Variants in PTPRR observed in about 807,000 individuals in gnomAD.
PTPRR encodes protein tyrosine phosphatase receptor type R, also known as receptor-type tyrosine-protein phosphatase R.
In PTPRR, 38 loss-of-function variants were observed where a neutral mutation model predicts 77.2. The ratio of observed to expected loss-of-function variants is 0.49; its 90% CI spans 0.38 to 0.65. The LOEUF (loss-of-function observed/expected upper bound fraction) is 0.65. PTPRR is among the 30% of genes least tolerant of loss of function. The pLI is 0.00. For missense variants in PTPRR, 744 were observed against 799.2 expected, an observed-to-expected ratio of 0.93 and a Z score of 0.83; for synonymous variants, 299 against 283.1, an observed-to-expected ratio of 1.06 and a Z score of -0.57.
intron 2 of PTPRR, among the ~76,000 whole-genome samples, chr12:70,861,622 G>GT (rs1393981916): frequency 6.6e-6 from 1 of 152,158 alleles, no homozygotes; most frequent in Non-Finnish European, 1.5e-5. Context: ...ATTGATCGCA[G>GT]TTGGGGCTGT....
chr12:70,876,381 A>G (rs1444448821), intron 2 of PTPRR, among the ~76,000 whole-genome samples: 1 of 152,182 alleles, frequency 6.6e-6, no homozygotes, highest in African/African-American at 2.4e-5. Flanking sequence ...CAAAGAATGA[A>G]CTCTGTAAAT....
chr12:70,698,434 T>C lies in PTPRR; in HGVS notation c.1195-85A>G. On this transcript the variant is annotated intron_variant, in intron 7 of 13. Coordinates refer to ENST00000283228, the MANE Select transcript of PTPRR (RefSeq NM_002849.4). ...CAGGGGGGCATCTGATCCAGAGTTC[T>C]ATTGGACTTCAAAGCCACTTAAAAA... 3 of 1,186,498 alleles carry C rather than the reference T, an allele frequency of 2.5e-6. No homozygotes were observed. The Admixed American group carries it at 5.6e-5, about 22-fold the overall frequency. The allele number at this position is 1,186,498 out of a possible 1,614,324, so 73.5% of individuals were successfully genotyped here. A position where few individuals can be genotyped will look rare whatever the true frequency, so the allele number is the denominator to read the frequency against.
intron 6 of PTPRR, among the ~76,000 whole-genome samples, chr12:70,729,929 TGTCATTTGATATTTTTCATAA>T (rs1889592984): frequency 2.1e-4 from 4 of 19,258 alleles, no homozygotes; most frequent in Non-Finnish European, 8.5e-4. Context: ...GACGTTCTAA[TGTCATTTGATATTTTTCATAA>T]TGTCATTTGA....
chr12:70,823,922 T>G (rs909163477), intron 2 of PTPRR, among the ~76,000 whole-genome samples: 4 of 152,056 alleles, frequency 2.6e-5, no homozygotes, highest in Non-Finnish European at 5.9e-5. Context: ...TGGTGGGTAG[T>G]GAGGCTCTGA....
chr12:70,722,570 G>C (rs1243833454), intron 6 of PTPRR, among the ~76,000 whole-genome samples: 1 of 152,112 alleles, frequency 6.6e-6, no homozygotes, highest in Non-Finnish European at 1.5e-5. Context: ...CATCCGGCTT[G>C]ACTTTGTGCT....
chr12:70,876,932 G>C (rs1212155395), intron 2 of PTPRR, among the ~76,000 whole-genome samples: 1 of 152,216 alleles, frequency 6.6e-6, no homozygotes, highest in South Asian at 2.1e-4. Context: ...TGGAAAAGAT[G>C]TTTGGGCTCT....
intron 2 of PTPRR, among the ~76,000 whole-genome samples, chr12:70,793,672 C>A (rs1891461419): frequency 6.6e-6 from 1 of 152,202 alleles, no homozygotes; most frequent in African/African-American, 2.4e-5. Flanking sequence ...CCTGCTCATT[C>A]TTCCATCAAA....
At chr12:70,833,364 G>A (rs1299588930) in intron 2 of PTPRR, among the ~76,000 whole-genome samples, 1 of 152,126 alleles carries the variant, frequency 6.6e-6, no homozygotes, top group East Asian at 1.9e-4. Context: ...GTAGGCTGGA[G>A]TGGTGGGTGG....
chr12:70,853,735 C>G (rs1045245909), intron 2 of PTPRR, among the ~76,000 whole-genome samples: 1 of 152,212 alleles, frequency 6.6e-6, no homozygotes, highest in South Asian at 2.1e-4. Context: ...GGGCCCCAAG[C>G]TTTGCTATAG....
chr12:70,663,503 GGTGATAGGTTTTTGGCCCAAA>G (rs371479354), intron 10 of PTPRR, among the ~76,000 whole-genome samples: 4,716 of 152,056 alleles, frequency 0.031, 96 homozygotes, highest in Non-Finnish European at 0.046. Context: ...AAAACTACTG[GGTGATAGGTTTTTGGCCCAAA>G]GTGATTAGAT....
At chr12:70,656,470 TG>T (rs972215691) in intron 13 of PTPRR, among the ~76,000 whole-genome samples, 2 of 149,482 alleles carry the variant, frequency 1.3e-5, no homozygotes, top group Non-Finnish European at 3.0e-5. Context: ...TTGAGGCTGC[TG>T]GGAGCTGAGA....
At chr12:70,738,559 C>A (rs1209985895) in intron 6 of PTPRR, among the ~76,000 whole-genome samples, 1 of 152,200 alleles carries the variant, frequency 6.6e-6, no homozygotes, top group Non-Finnish European at 1.5e-5. Context: ...CTGTTGATTT[C>A]CTTTCCATAA....
intron 5 of PTPRR, among the ~76,000 whole-genome samples, chr12:70,748,510 T>C (rs1054762858): frequency 2.0e-5 from 3 of 152,148 alleles, no homozygotes; most frequent in African/African-American, 7.2e-5. Flanking sequence ...TGTTTGACTC[T>C]TGGACTGGAA....
chr12:70,761,840 A>AC (rs1197257497), intron 3 of PTPRR, among the ~76,000 whole-genome samples: 1 of 152,062 alleles, frequency 6.6e-6, no homozygotes, highest in Non-Finnish European at 1.5e-5. Context: ...ATTAGTTGCC[A>AC]CCCCCCAAGA....
At chr12:70,738,419 G>A (rs528383433) in intron 6 of PTPRR, among the ~76,000 whole-genome samples, 1 of 152,264 alleles carries the variant, frequency 6.6e-6, no homozygotes, top group South Asian at 2.1e-4. Flanking sequence ...AGTCAGGATG[G>A]AGAGTGCTAT....
At chr12:70,796,853 C>A (rs1297332071) in intron 2 of PTPRR, among the ~76,000 whole-genome samples, 3 of 151,662 alleles carry the variant, frequency 2.0e-5, no homozygotes, top group East Asian at 1.9e-4. Flanking sequence ...CATGATGAAA[C>A]CCTGTCTCCA....
chr12:70,786,663 A>G (rs1167202831), intron 2 of PTPRR, among the ~76,000 whole-genome samples: 1 of 152,186 alleles, frequency 6.6e-6, no homozygotes, highest in East Asian at 1.9e-4. Flanking sequence ...GAAGTGTGTT[A>G]TACATTTCCT....
intron 10 of PTPRR, among the ~76,000 whole-genome samples, chr12:70,667,651 A>G (rs952623563): frequency 6.6e-6 from 1 of 152,080 alleles, no homozygotes; most frequent in African/African-American, 2.4e-5. Context: ...CGTGTTTCAT[A>G]AGCAAAGTCC....
intron 2 of PTPRR, among the ~76,000 whole-genome samples, chr12:70,845,232 T>C (rs1892464330): frequency 2.0e-5 from 3 of 151,844 alleles, no homozygotes; most frequent in South Asian, 4.2e-4. Flanking sequence ...AAGAAGCTTA[T>C]AGGTGTGCAC....
Sources: gnomAD v4.1 joint callset for allele counts (sites outside exome capture counted in the v4.1 genomes callset) on GRCh38, gnomAD v4.1.1 for gene constraint, MANE v1.5 for transcripts, NCBI Gene and HGNC (gene_info 2026-07-23, HGNC 2026-07-21) for gene names.